Variants in DPT observed in about 807,000 individuals in gnomAD.
DPT encodes tyrosine-rich acidic matrix protein.
In DPT, 21 loss-of-function variants were observed where a neutral mutation model predicts 31.2. The observed-to-expected ratio is 0.67, with a 90% CI of 0.48 to 0.97. The LOEUF is 0.97. Ranked by LOEUF, DPT falls within the 50% of genes least tolerant of loss-of-function variation. The pLI, the probability that DPT is intolerant of heterozygous loss-of-function variation, is 0.00. For missense variants in DPT, 262 were observed against 258.8 expected (o/e 1.01, Z -0.08); for synonymous variants, 91 against 86.9 (o/e 1.05, Z -0.26).
intron 2 of DPT, among the ~76,000 whole-genome samples, chr1:168,701,494 A>G (rs1649596688): frequency 6.6e-6 from 1 of 152,250 alleles, no homozygotes; most frequent in South Asian, 2.1e-4. Flanking sequence ...GTTGATAACA[A>G]AATCAATTTA....
chr1:168,699,598 T>TA (rs1553201670), intron 3 of DPT, among the ~76,000 whole-genome samples: 3,718 of 148,252 alleles, frequency 0.025, 90 homozygotes, highest in African/African-American at 0.062. Flanking sequence ...TTTTTTTTTT[T>TA]TAAAAAAAAA....
intron 2 of DPT, among the ~76,000 whole-genome samples, chr1:168,711,483 A>G (rs1649861329): frequency 6.6e-6 from 1 of 152,186 alleles, no homozygotes; most frequent in Non-Finnish European, 1.5e-5. Flanking sequence ...TCATCTCTGC[A>G]GAGACCTCGA....
chr1:168,702,990 G>C (rs1366852638), intron 2 of DPT, among the ~76,000 whole-genome samples: 1 of 152,086 alleles, frequency 6.6e-6, no homozygotes, highest in Non-Finnish European at 1.5e-5. Context: ...ATTCTAACAA[G>C]GACTGTATTA....
In DPT at chr1:168,696,487, T is replaced by C. The variant is rs1007663127; in HGVS notation, c.*62A>G. The C allele has an allele frequency of 1.4e-6, 2 of 1,421,328 alleles. No homozygotes were observed. The highest frequency in any genetic ancestry group is 2.0e-6 in the Non-Finnish European group (2 of 1,024,984). The allele number at this position is 1,421,328 out of a possible 1,614,324, so 88.0% of individuals were successfully genotyped here. A position where few individuals can be genotyped will look rare whatever the true frequency, so the allele number is the denominator to read the frequency against. On this transcript the variant is annotated 3_prime_UTR_variant, in exon 4 of 4. Coordinates refer to ENST00000367817, the MANE Select transcript of DPT (RefSeq NM_001937.5). ...ATAGGAGATCCAACTGATGTTAACA[T>C]ATGTGGACACCCTCCTGTCCCCGGC...
At chr1:168,711,110 A>T (rs1250783970) in intron 2 of DPT, among the ~76,000 whole-genome samples, 1 of 150,264 alleles carries the variant, frequency 6.7e-6, no homozygotes, top group Non-Finnish European at 1.5e-5. Context: ...TCCTGGGTTC[A>T]TGCCATTCTC....
chr1:168,721,334 C>T (rs899564357), intron 1 of DPT, among the ~76,000 whole-genome samples: 1 of 152,130 alleles, frequency 6.6e-6, no homozygotes, highest in African/African-American at 2.4e-5. Context: ...CTTAACCTGA[C>T]AGTATTACAC....
chr1:168,724,047 T>C (rs935672800), intron 1 of DPT, among the ~76,000 whole-genome samples: 2 of 152,242 alleles, frequency 1.3e-5, no homozygotes, highest in Non-Finnish European at 1.5e-5. Context: ...GATAGGTTAC[T>C]GTGCAGCATT....
chr1:168,704,705 A>G (rs750746521), intron 2 of DPT, among the ~76,000 whole-genome samples: 4 of 152,272 alleles, frequency 2.6e-5, no homozygotes, highest in Non-Finnish European at 4.4e-5. Context: ...GAGTTGTTCC[A>G]AAGCTAAGAA....
At chr1:168,708,956 G>A (rs571613760) in intron 2 of DPT, among the ~76,000 whole-genome samples, 3 of 152,330 alleles carry the variant, frequency 2.0e-5, no homozygotes, top group South Asian at 2.1e-4. Flanking sequence ...ATGTTAACTA[G>A]AGCTATACAG....
chr1:168,697,660 T>C (rs1006497895), intron 3 of DPT, among the ~76,000 whole-genome samples: 4 of 152,276 alleles, frequency 2.6e-5, no homozygotes, highest in African/African-American at 7.2e-5. Context: ...TGTGGTCTAA[T>C]ACTGTTGAAC....
chr1:168,714,824 A>C (rs1430076437), intron 1 of DPT, among the ~76,000 whole-genome samples: 1 of 152,250 alleles, frequency 6.6e-6, no homozygotes, highest in Non-Finnish European at 1.5e-5. Context: ...ATTGAGCACA[A>C]GGATGATCAT....
At chr1:168,702,013 A>G (rs1435729600) in intron 2 of DPT, among the ~76,000 whole-genome samples, 2 of 150,780 alleles carry the variant, frequency 1.3e-5, no homozygotes, top group Non-Finnish European at 2.9e-5. Context: ...GAGCCTTCAT[A>G]TGAGTAGGTC....
At position 168,714,156 on chromosome 1, in the gene DPT, G is replaced by A. The variant is rs1016586169; in HGVS notation, c.431+65C>T. 6.2e-6 allele frequency: 10 copies of A among 1,607,774 alleles called. No individual in the cohort carries two copies. In the East Asian group the frequency reaches 2.2e-4, roughly 36 times the overall value. On this transcript the variant is annotated intron_variant, in intron 2 of 3. Coordinates refer to ENST00000367817, the MANE Select transcript of DPT (RefSeq NM_001937.5). ...TGACCCTCAAGCTTACCTGAAGCTA[G>A]AGCACTTCCTAGGTGCCTCTCCCAC... is the stretch of plus-strand genomic sequence containing the variant.
At chr1:168,712,679 C>T (rs1649894546) in intron 2 of DPT, among the ~76,000 whole-genome samples, 1 of 152,134 alleles carries the variant, frequency 6.6e-6, no homozygotes, top group Non-Finnish European at 1.5e-5. Flanking sequence ...CAAAACAGTT[C>T]TGGCATCTGG....
chr1:168,706,951 A>G (rs547611388), intron 2 of DPT, among the ~76,000 whole-genome samples: 138 of 152,200 alleles, frequency 9.1e-4, no homozygotes, highest in Non-Finnish European at 1.7e-3. Context: ...TTGACCTTCA[A>G]CAGCTCCCCT....
intron 2 of DPT, among the ~76,000 whole-genome samples, chr1:168,709,653 A>T (rs146544748): frequency 3.3e-5 from 5 of 152,208 alleles, no homozygotes; most frequent in Admixed American, 2.0e-4. Context: ...CAGGCGCTAG[A>T]TATTCACTTA....
chr1:168,723,243 A>T (rs1650163383), intron 1 of DPT, among the ~76,000 whole-genome samples: 1 of 152,208 alleles, frequency 6.6e-6, no homozygotes, highest in Admixed American at 6.5e-5. Context: ...CACCCACAGC[A>T]CTGTGGAATC....
intron 1 of DPT, among the ~76,000 whole-genome samples, chr1:168,727,944 C>T (rs952361273): frequency 1.3e-5 from 2 of 152,134 alleles, no homozygotes; most frequent in Admixed American, 6.5e-5. Context: ...AGGTGGGCTT[C>T]CTCCTCCCTG....
intron 1 of DPT, among the ~76,000 whole-genome samples, chr1:168,728,128 A>G (rs1394322597): frequency 6.6e-6 from 1 of 152,212 alleles, no homozygotes; most frequent in Non-Finnish European, 1.5e-5. Flanking sequence ...GCTCGAAAAA[A>G]TTCCATGCCA....
Sources: allele counts gnomAD v4.1 joint callset (sites outside exome capture counted in the v4.1 genomes callset), GRCh38; gene constraint gnomAD v4.1.1; transcripts MANE v1.5; gene names NCBI Gene and HGNC (gene_info 2026-07-23, HGNC 2026-07-21).